TACR1: variants seen among roughly 807,000 people sequenced by gnomAD.
TACR1 encodes substance-P receptor.
A neutral mutation model predicts 35.8 loss-of-function variants in TACR1; 25 were observed. That is an observed-to-expected ratio of 0.70 (90% CI 0.51 to 0.98). TACR1 has a LOEUF of 0.98. Among genes scored for constraint, TACR1 ranks in the 50% least tolerant of loss-of-function variants. The pLI is 0.00. For synonymous variants in TACR1, 195 were observed against 206.7 expected, an observed-to-expected ratio of 0.94 and a Z score of 0.48; for missense variants, 478 against 522.9, an observed-to-expected ratio of 0.91 and a Z score of 0.84.
At chr2:75,086,862 G>A (rs758755525) in intron 2 of TACR1, among the ~76,000 whole-genome samples, 9 of 152,098 alleles carry the variant, frequency 5.9e-5, no homozygotes, top group Non-Finnish European at 1.0e-4. Context: ...TCCTAGCAGT[G>A]GGGATTTTGA....
At chr2:75,131,307 C>T (rs1006402941) in intron 1 of TACR1, among the ~76,000 whole-genome samples, 2 of 152,026 alleles carry the variant, frequency 1.3e-5, no homozygotes, top group African/African-American at 2.4e-5. Flanking sequence ...CCAGGATGGT[C>T]TCGATCTCCT....
chr2:75,112,313 T>C (rs1673767728), intron 2 of TACR1, among the ~76,000 whole-genome samples: 1 of 152,096 alleles, frequency 6.6e-6, no homozygotes, highest in South Asian at 2.1e-4. Flanking sequence ...TAAAAATTAA[T>C]TCTTGTTGTT....
intron 1 of TACR1, among the ~76,000 whole-genome samples, chr2:75,184,744 A>T (rs1675647209): frequency 6.6e-6 from 1 of 151,372 alleles, no homozygotes; most frequent in Admixed American, 6.6e-5. Context: ...GTAATATGAT[A>T]TATATTAGGT....
In TACR1 at chr2:75,120,557, G is replaced by T; in HGVS notation, c.584+17C>A. On this transcript the variant is annotated intron_variant, in intron 2 of 4. Transcript: ENST00000305249. ...TGCACCATCGTTTCTTTGGCATGGGGAGTCATCTCTACTCACACTTTCTCA... is the reference window on the plus strand; with the variant it reads ...TGCACCATCGTTTCTTTGGCATGGGTAGTCATCTCTACTCACACTTTCTCA... 6.4e-7 allele frequency: 1 copy of T among 1,573,486 alleles called. No homozygotes were observed. Among genetic ancestry groups the T allele is most frequent in the South Asian group, 1.2e-5 (1 of 84,808 alleles).
At chr2:75,051,199 T>A in intron 4 of TACR1, 52 bp downstream of exon 4, 2 of 1,612,838 alleles carry the variant, frequency 1.2e-6, no homozygotes, top group Non-Finnish European at 1.7e-6. Flanking sequence ...GGCCACTGTG[T>A]ATGTAGATGG....
At chr2:75,061,589 C>T (rs996105615) in intron 2 of TACR1, among the ~76,000 whole-genome samples, 3 of 152,168 alleles carry the variant, frequency 2.0e-5, no homozygotes, top group Non-Finnish European at 4.4e-5. Flanking sequence ...CATGTCCCAT[C>T]TTTCTGCAGA....
chr2:75,100,365 G>A lies in TACR1; in HGVS notation c.584+20209C>T, dbSNP rs998376104. 2.6e-5 allele frequency among the ~76,000 whole-genome samples: 4 copies of A among 152,150 alleles called. No homozygotes were observed. The East Asian group carries it at 5.8e-4, about 22-fold the overall frequency. ...ATTATTTTTAAATTTAGTTTCTTTG[G>A]CATAAATTATAACCTCTCTTTCAAA... On this transcript the variant is annotated intron_variant, in intron 2 of 4. Coordinates refer to ENST00000305249, the MANE Select transcript of TACR1 (RefSeq NM_001058.4).
intron 2 of TACR1, among the ~76,000 whole-genome samples, chr2:75,089,167 A>G (rs1406451048): frequency 1.3e-5 from 2 of 152,228 alleles, no homozygotes; most frequent in African/African-American, 4.8e-5. Context: ...AGAATTCTTC[A>G]TCTCCTGGAG....
intron 2 of TACR1, among the ~76,000 whole-genome samples, chr2:75,071,441 T>C (rs1048676057): frequency 1.3e-5 from 2 of 152,204 alleles, no homozygotes; most frequent in Non-Finnish European, 2.9e-5. Flanking sequence ...GTCTTCCTAA[T>C]CCCTTCCCGC....
At chr2:75,186,176 A>T (rs1675691587) in intron 1 of TACR1, among the ~76,000 whole-genome samples, 1 of 151,852 alleles carries the variant, frequency 6.6e-6, no homozygotes, top group South Asian at 2.1e-4. Flanking sequence ...GATCAACATC[A>T]TCCTGGCTAA....
chr2:75,170,554 C>G lies in TACR1; in HGVS notation c.389+27992G>C, dbSNP rs147207831. Among the ~76,000 whole-genome samples the G allele has an allele frequency of 6.9e-3, 1,056 of 152,220 alleles. 10 individuals are homozygous for G. Among genetic ancestry groups the G allele is most frequent in the African/African-American group, 0.024 (1,005 of 41,524 alleles). ...ACTGGGTAACAGGCAGCGGTTGGAA[C>G]AGTTTGGAGGGCTCAGAAGACAGGA... On this transcript the variant is annotated intron_variant, in intron 1 of 4. Transcript: ENST00000305249.
At chr2:75,157,166 G>A (rs184020560) in intron 1 of TACR1, among the ~76,000 whole-genome samples, 2 of 152,184 alleles carry the variant, frequency 1.3e-5, no homozygotes, top group East Asian at 1.9e-4. Flanking sequence ...GGATTGATAA[G>A]GAGGAGGATG....
intron 1 of TACR1, among the ~76,000 whole-genome samples, chr2:75,167,950 T>G (rs1388293522): frequency 6.6e-6 from 1 of 152,174 alleles, no homozygotes; most frequent in African/African-American, 2.4e-5. Context: ...GGTCCCCAGT[T>G]GCCAAGAAGC....
chr2:75,061,682 A>G (rs1361405245), intron 2 of TACR1, among the ~76,000 whole-genome samples: 1 of 152,156 alleles, frequency 6.6e-6, no homozygotes, highest in Non-Finnish European at 1.5e-5. Context: ...CTGTATCGTG[A>G]TGGGGTGACC....
chr2:75,122,805 A>C (rs1177277599), intron 1 of TACR1, among the ~76,000 whole-genome samples: 2 of 152,340 alleles, frequency 1.3e-5, no homozygotes, highest in Non-Finnish European at 2.9e-5. Flanking sequence ...TGTTTTCTTT[A>C]GGTTACCCCA....
chr2:75,055,405 C>T (rs1038550704), intron 2 of TACR1, among the ~76,000 whole-genome samples: 3 of 152,210 alleles, frequency 2.0e-5, no homozygotes, highest in African/African-American at 7.2e-5. Context: ...TCTGAATTGT[C>T]GCCTCCTTTG....
intron 1 of TACR1, among the ~76,000 whole-genome samples, chr2:75,197,024 G>A (rs557915493): frequency 7.4e-4 from 112 of 152,286 alleles, no homozygotes; most frequent in African/African-American, 2.2e-3. Context: ...ATTTACAGGT[G>A]TACCTCACTT....
intron 2 of TACR1, among the ~76,000 whole-genome samples, chr2:75,089,952 C>T (rs1225733441): frequency 6.6e-6 from 1 of 152,144 alleles, no homozygotes; most frequent in African/African-American, 2.4e-5. Flanking sequence ...TCATTACCAT[C>T]TTAATCTTCA....
chr2:75,073,808 T>C (rs936902856), intron 2 of TACR1, among the ~76,000 whole-genome samples: 1 of 151,162 alleles, frequency 6.6e-6, no homozygotes, highest in African/African-American at 2.5e-5. Flanking sequence ...TAGCCTCACA[T>C]AGGAATGCCA....
Sources: gnomAD v4.1 joint callset for allele counts (sites outside exome capture counted in the v4.1 genomes callset) on GRCh38, gnomAD v4.1.1 for gene constraint, MANE v1.5 for transcripts, NCBI Gene and HGNC (gene_info 2026-07-23, HGNC 2026-07-21) for gene names.